Variants in MYO18B observed in about 807,000 individuals in gnomAD.
MYO18B encodes the protein unconventional myosin-XVIIIb.
A neutral mutation model predicts 273.0 loss-of-function variants in MYO18B; 204 were observed. That is an observed-to-expected ratio of 0.75 (90% CI 0.67 to 0.84). The LOEUF (loss-of-function observed/expected upper bound fraction) is 0.84, where lower values mean the gene tolerates loss of function less well. Among genes scored for constraint, MYO18B ranks in the 40% least tolerant of loss-of-function variants. The pLI is 0.00. For synonymous variants in MYO18B, 1,330 were observed against 1,305.7 expected, an observed-to-expected ratio of 1.02 and a Z score of -0.40; for missense variants, 3,212 against 3,287.6, an observed-to-expected ratio of 0.98 and a Z score of 0.56.
chr22:25,851,421 T>C (rs1196478049), intron 20 of MYO18B, 49 bp from the exon 21 acceptor site: 7 of 1,326,342 alleles, frequency 5.3e-6, no homozygotes, highest in Non-Finnish European at 7.4e-6. Context: ...GGGCTGGGTC[T>C]TCTCATCTGG....
intron 39 of MYO18B, among the ~76,000 whole-genome samples, chr22:25,967,761 T>G (rs1248202449): frequency 6.6e-6 from 1 of 152,216 alleles, no homozygotes. Flanking sequence ...GACCTCTGGC[T>G]TCAGACTCAG....
At chr22:25,994,465 C>G (rs540413979) in intron 40 of MYO18B, among the ~76,000 whole-genome samples, 7 of 152,184 alleles carry the variant, frequency 4.6e-5, no homozygotes, top group African/African-American at 1.7e-4. Flanking sequence ...AGAGCAAGAC[C>G]CTGTCTCAGA....
chr22:25,824,428 G>A (rs1441252919), intron 13 of MYO18B, among the ~76,000 whole-genome samples: 6 of 152,188 alleles, frequency 3.9e-5, no homozygotes, highest in Non-Finnish European at 8.8e-5. Context: ...GGAAGAATGA[G>A]GATGCTTTGA....
intron 1 of MYO18B, among the ~76,000 whole-genome samples, chr22:25,753,267 A>G (rs1343082506): frequency 2.0e-5 from 3 of 152,104 alleles, no homozygotes; most frequent in African/African-American, 4.8e-5. Flanking sequence ...TGGATTGGAG[A>G]ACTTTCATGT....
rs2086611927 is a variant in MYO18B at position 25,768,923 on chromosome 22, A to G, written c.1007A>G (p.Asp336Gly). 2.5e-6 allele frequency: 4 copies of G among 1,612,424 alleles called. No individual in the cohort carries two copies. Among genetic ancestry groups the G allele is most frequent in the Non-Finnish European group, 2.5e-6 (3 of 1,179,326 alleles). ...TGGGACGGTCCCCAGAATAAGAAGG[A>G]CAAAGAAGGGGTGCTCTTAAGTAAG... ...SKWDGPQNKK[D>G]KEGVLLSKAE... The change falls in exon 4 of 44, where the codon GAC becomes GGC. Residue 336 changes from aspartate (D) to glycine (G), a missense_variant. Coordinates refer to ENST00000335473, the MANE Select transcript of MYO18B (RefSeq NM_032608.7).
intron 34 of MYO18B, among the ~76,000 whole-genome samples, chr22:25,933,461 C>CTT (rs1164885329): frequency 5.3e-5 from 8 of 151,574 alleles, no homozygotes; most frequent in Non-Finnish European, 1.0e-4. Flanking sequence ...CCACACAGGC[C>CTT]TTTTGTCTTC....
chr22:25,982,008 A>G (rs2093153569), intron 39 of MYO18B, among the ~76,000 whole-genome samples: 1 of 152,194 alleles, frequency 6.6e-6, no homozygotes, highest in Non-Finnish European at 1.5e-5. Flanking sequence ...CAATCATGGC[A>G]GAAGTTGAAG....
rs6004857 is a variant in MYO18B, at chr22:25,974,082, T to C, written c.6157-18281T>C. 9.7e-3 allele frequency among the ~76,000 whole-genome samples: 1,476 copies of C among 152,294 alleles called. 22 individuals carry two copies. Among genetic ancestry groups the C allele is most frequent in the African/African-American group, 0.034 (1,424 of 41,554 alleles). ...ACAAGGTACCATCAACTTGCATTTT[T>C]TGAAAAATTAATTTACTCACTAAAC... On this transcript the variant is annotated intron_variant, in intron 39 of 43. Coordinates refer to ENST00000335473, the MANE Select transcript of MYO18B (RefSeq NM_032608.7).
intron 22 of MYO18B, among the ~76,000 whole-genome samples, chr22:25,874,063 G>A (rs144840513): frequency 3.3e-5 from 5 of 152,328 alleles, no homozygotes; most frequent in African/African-American, 9.6e-5. Flanking sequence ...CCACTGGTGC[G>A]TGGGCCACAC....
chr22:25,783,385 ATGGTGT>A (rs1359654032), intron 10 of MYO18B, among the ~76,000 whole-genome samples: 1 of 152,248 alleles, frequency 6.6e-6, no homozygotes, highest in African/African-American at 2.4e-5. Context: ...GTGCATAGTA[ATGGTGT>A]AATGTGGGAA....
chr22:25,763,558 C>A (rs2086404001), intron 3 of MYO18B, among the ~76,000 whole-genome samples, 169 bp downstream of exon 3: 1 of 152,172 alleles, frequency 6.6e-6, no homozygotes, highest in Non-Finnish European at 1.5e-5. Flanking sequence ...CCTTCAAAAC[C>A]CAGCTCAAAC....
At chr22:25,919,986 T>C (rs868735328) in intron 33 of MYO18B, among the ~76,000 whole-genome samples, 7 of 152,194 alleles carry the variant, frequency 4.6e-5, no homozygotes, top group South Asian at 2.1e-4. Context: ...TTAACCTCTC[T>C]TTTTGTGGAT....
At chr22:25,829,099 C>G in intron 15 of MYO18B, 131 bp downstream of exon 15, 1 of 1,069,988 alleles carries the variant, frequency 9.3e-7, no homozygotes, top group Non-Finnish European at 1.3e-6. Context: ...AGAACAAAGC[C>G]CTTTCCCCAG....
At chr22:26,029,811 CAG>C (rs775938993) in intron 43 of MYO18B, among the ~76,000 whole-genome samples, 41 of 152,242 alleles carry the variant, frequency 2.7e-4, no homozygotes, top group Admixed American at 6.5e-4. Context: ...AGTTGGAAAA[CAG>C]GGGTAAGAAT....
chr22:25,967,478 G>A (rs1373128044), intron 39 of MYO18B, among the ~76,000 whole-genome samples: 2 of 152,246 alleles, frequency 1.3e-5, no homozygotes, highest in South Asian at 4.2e-4. Context: ...TCGGTTTGAA[G>A]GGTAATTCTC....
At chr22:25,817,263 C>CT (rs1488847931) in intron 12 of MYO18B, among the ~76,000 whole-genome samples, 5 of 149,068 alleles carry the variant, frequency 3.4e-5, no homozygotes, top group African/African-American at 5.0e-5. Flanking sequence ...TCTTCTTTTT[C>CT]TTTTTCTTCT....
At chr22:25,801,849 C>T (rs2088209917) in intron 12 of MYO18B, among the ~76,000 whole-genome samples, 1 of 152,162 alleles carries the variant, frequency 6.6e-6, no homozygotes, top group Non-Finnish European at 1.5e-5. Flanking sequence ...GCATATTCCT[C>T]AGGACATAGA....
intron 11 of MYO18B, among the ~76,000 whole-genome samples, chr22:25,789,813 T>A (rs190569533): frequency 6.6e-6 from 1 of 152,292 alleles, no homozygotes; most frequent in Admixed American, 6.5e-5. Context: ...TCTTCCAGTA[T>A]TTTTCCTGCA....
intron 33 of MYO18B, among the ~76,000 whole-genome samples, chr22:25,913,835 T>G (rs754519970): frequency 2.0e-5 from 3 of 152,274 alleles, no homozygotes; most frequent in Non-Finnish European, 2.9e-5. Flanking sequence ...ATAATGTCCT[T>G]AGCTTAATAA....
Sources: allele counts gnomAD v4.1 joint callset (sites outside exome capture counted in the v4.1 genomes callset), GRCh38; gene constraint gnomAD v4.1.1; transcripts MANE v1.5; gene names NCBI Gene and HGNC (gene_info 2026-07-23, HGNC 2026-07-21).